The following EYS variants were observed in gnomAD, a reference collection of about 807,000 sequenced individuals.
EYS encodes EGF-like photoreceptor maintenance factor, also known as protein eyes shut homolog.
A neutral mutation model predicts 282.1 loss-of-function variants in EYS; 250 were observed. The observed-to-expected ratio is 0.89, with a 90% CI of 0.80 to 0.98. The LOEUF (loss-of-function observed/expected upper bound fraction) is 0.98, where lower values mean the gene tolerates loss of function less well. Ranked by LOEUF, EYS falls within the 50% of genes least tolerant of loss-of-function variation. The pLI is 0.00. For missense variants in EYS, 4,016 were observed against 3,709.0 expected (o/e 1.08, Z -2.15); for synonymous variants, 1,355 against 1,282.9 (o/e 1.06, Z -1.20).
intron 12 of EYS, among the ~76,000 whole-genome samples, chr6:65,117,561 C>T (rs1443088152): frequency 6.6e-6 from 1 of 152,154 alleles, no homozygotes; most frequent in Non-Finnish European, 1.5e-5. Flanking sequence ...TCCCTCCTCA[C>T]ATGAACCACA....
intron 13 of EYS, among the ~76,000 whole-genome samples, chr6:65,008,132 C>T (rs1486664886): frequency 6.6e-6 from 1 of 152,154 alleles, no homozygotes; most frequent in Non-Finnish European, 1.5e-5. Context: ...CATTTGCTAA[C>T]TTGCGTGCTA....
At chr6:65,167,039 A>G (rs1459310721) in intron 12 of EYS, among the ~76,000 whole-genome samples, 3 of 151,264 alleles carry the variant, frequency 2.0e-5, no homozygotes, top group African/African-American at 7.3e-5. Context: ...AAAAAGATGT[A>G]ACAACTGTTG....
intron 12 of EYS, among the ~76,000 whole-genome samples, chr6:65,279,165 G>A (rs549258519): frequency 6.6e-6 from 1 of 151,798 alleles, no homozygotes; most frequent in Non-Finnish European, 1.5e-5. Context: ...CTTCACCCTG[G>A]GCGACAGAGT....
Position 64,050,848 on chromosome 6 carries a change from A to G in EYS, c.6725+15490T>C, listed in dbSNP as rs1031052710. Among the ~76,000 whole-genome samples, 3 of 152,226 alleles carry G rather than the reference A, an allele frequency of 2.0e-5. No homozygotes were observed. The East Asian group carries it at 5.8e-4, about 29-fold the overall frequency. On this transcript the variant is annotated intron_variant, in intron 33 of 42. Coordinates refer to ENST00000503581, the MANE Select transcript of EYS (RefSeq NM_001142800.2). ...CTGGCAGTATGACTAAGCAACTTAAATAATTTAAGGCAGTTTATGTTAAAA... is the reference window on the plus strand; with the variant it reads ...CTGGCAGTATGACTAAGCAACTTAAGTAATTTAAGGCAGTTTATGTTAAAA...
chr6:63,917,638 C>T (rs980359114), intron 35 of EYS, among the ~76,000 whole-genome samples: 1 of 152,108 alleles, frequency 6.6e-6, no homozygotes, highest in African/African-American at 2.4e-5. Flanking sequence ...TACCAAATGT[C>T]AAATGGCAGG....
chr6:64,928,839 A>T (rs1234875934), intron 15 of EYS, among the ~76,000 whole-genome samples: 2 of 152,064 alleles, frequency 1.3e-5, no homozygotes, highest in East Asian at 3.9e-4. Flanking sequence ...TTTTCTAACT[A>T]CACCTCTAAA....
chr6:63,722,759 C>T (rs115316645), intron 42 of EYS, among the ~76,000 whole-genome samples: 662 of 152,294 alleles, frequency 4.3e-3, no homozygotes, highest in Non-Finnish European at 6.2e-3. Flanking sequence ...ATTTCCACAC[C>T]TCCCTCCTGC....
chr6:64,163,346 G>A (rs1011887791), intron 31 of EYS, among the ~76,000 whole-genome samples: 2 of 151,900 alleles, frequency 1.3e-5, no homozygotes, highest in Non-Finnish European at 2.9e-5. Context: ...TTCTTAAAAA[G>A]TTCTTTCATC....
At chr6:65,092,864 T>C (rs914208375) in intron 12 of EYS, among the ~76,000 whole-genome samples, 1 of 152,032 alleles carries the variant, frequency 6.6e-6, no homozygotes, top group Non-Finnish European at 1.5e-5. Flanking sequence ...ATACACATTG[T>C]GGGAGTCAAA....
chr6:65,526,210 C>T (rs1369934954), intron 2 of EYS, among the ~76,000 whole-genome samples: 1 of 152,136 alleles, frequency 6.6e-6, no homozygotes, highest in African/African-American at 2.4e-5. Context: ...TCCTAGTTAT[C>T]TTCCAATGGC....
intron 19 of EYS, among the ~76,000 whole-genome samples, chr6:64,847,701 T>G (rs1304211058): frequency 6.6e-6 from 1 of 152,044 alleles, no homozygotes. Flanking sequence ...CCATGTCTAT[T>G]TATTTTCTAA....
chr6:65,284,755 G>GT (rs1370118007), intron 12 of EYS, among the ~76,000 whole-genome samples: 4 of 152,050 alleles, frequency 2.6e-5, no homozygotes, highest in Non-Finnish European at 5.9e-5. Flanking sequence ...GTTAACAGAT[G>GT]AATGGATGGA....
intron 12 of EYS, among the ~76,000 whole-genome samples, chr6:65,122,753 G>C (rs1391791025): frequency 6.6e-6 from 1 of 151,896 alleles, no homozygotes; most frequent in Non-Finnish European, 1.5e-5. Flanking sequence ...ACTATTTTCT[G>C]TTTTACTCTT....
intron 32 of EYS, among the ~76,000 whole-genome samples, chr6:64,069,873 A>C (rs1771509309): frequency 6.6e-6 from 1 of 152,152 alleles, no homozygotes; most frequent in Non-Finnish European, 1.5e-5. Context: ...ATATCATTAC[A>C]TGTTAACCTA....
intron 12 of EYS, among the ~76,000 whole-genome samples, chr6:65,086,671 A>T (rs967009585): frequency 6.6e-6 from 1 of 152,196 alleles, no homozygotes; most frequent in Non-Finnish European, 1.5e-5. Flanking sequence ...GAATTAGTTC[A>T]CAGAATTATG....
chr6:64,334,220 G>C (rs372848286), intron 29 of EYS, among the ~76,000 whole-genome samples: 7 of 152,080 alleles, frequency 4.6e-5, no homozygotes, highest in Admixed American at 4.6e-4. Flanking sequence ...ACTGTTTGGA[G>C]AGCACCTGCA....
intron 22 of EYS, among the ~76,000 whole-genome samples, chr6:64,756,989 T>C (rs572551802): frequency 2.0e-5 from 3 of 152,136 alleles, no homozygotes; most frequent in African/African-American, 7.2e-5. Flanking sequence ...TTATATCCCT[T>C]CTTTGAGACT....
chr6:65,140,504 A>T (rs1764301567), intron 12 of EYS, among the ~76,000 whole-genome samples: 2 of 151,964 alleles, frequency 1.3e-5, no homozygotes, highest in Admixed American at 1.3e-4. Context: ...ATGTAATTAA[A>T]CTAAAGAGCT....
chr6:63,822,034 A>G (rs1771338710), intron 36 of EYS: 2 of 152,216 alleles, frequency 1.3e-5, no homozygotes, highest in African/African-American at 4.8e-5. Flanking sequence ...AAAACAGGGG[A>G]GAAAGAATTT....
Sources: gnomAD v4.1 joint callset for allele counts (sites outside exome capture counted in the v4.1 genomes callset) on GRCh38, gnomAD v4.1.1 for gene constraint, MANE v1.5 for transcripts, NCBI Gene and HGNC (gene_info 2026-07-23, HGNC 2026-07-21) for gene names.